MAP7: variants seen among roughly 807,000 people sequenced by gnomAD.
The protein encoded by MAP7 is microtubule associated protein 7, also known as ensconsin.
In MAP7, 52 loss-of-function variants were observed where a neutral mutation model predicts 94.8. The observed-to-expected ratio is 0.55, with a 90% confidence interval of 0.44 to 0.69. MAP7 has a LOEUF of 0.69. Among genes scored for constraint, MAP7 ranks in the 30% least tolerant of loss-of-function variants. MAP7 has a pLI of 0.00. For missense variants in MAP7, 940 were observed against 964.6 expected (o/e 0.97, Z 0.34); for synonymous variants, 350 against 357.0 (o/e 0.98, Z 0.22).
chr6:136,365,648 G>C (rs1321319489), intron 10 of MAP7, 87 bp downstream of exon 10: 23 of 1,423,882 alleles, frequency 1.6e-5, no homozygotes, highest in Non-Finnish European at 2.0e-5. Context: ...TCCAATAAAA[G>C]AAGAAAAGGA....
At chr6:136,494,047 T>G (rs1273116040) in intron 1 of MAP7, among the ~76,000 whole-genome samples, 1 of 152,202 alleles carries the variant, frequency 6.6e-6, no homozygotes, top group East Asian at 1.9e-4. Flanking sequence ...ACCACTTTTC[T>G]TTTTTAGAGG....
At chr6:136,427,868 A>C (rs1452939594) in intron 1 of MAP7, among the ~76,000 whole-genome samples, 3 of 152,228 alleles carry the variant, frequency 2.0e-5, no homozygotes, top group African/African-American at 7.2e-5. Flanking sequence ...CAATGACTGA[A>C]AGTCACTTTC....
chr6:136,529,114 C>T (rs1462474492), intron 1 of MAP7, among the ~76,000 whole-genome samples: 1 of 152,064 alleles, frequency 6.6e-6, no homozygotes, highest in Non-Finnish European at 1.5e-5. Flanking sequence ...AAAATAAACA[C>T]TACTCTGAAT....
chr6:136,389,324 C>G, intron 4 of MAP7, 30 bp downstream of exon 4: 1 of 1,507,364 alleles, frequency 6.6e-7, no homozygotes, highest in Admixed American at 2.4e-5. Context: ...CTAGAGGAGC[C>G]ACTCATATTC....
At chr6:136,514,580 C>CAAAAAAAA (rs1046225937) in intron 1 of MAP7, among the ~76,000 whole-genome samples, 7 of 49,042 alleles carry the variant, frequency 1.4e-4, no homozygotes, top group African/African-American at 2.6e-4. Context: ...GACTCTGTCT[C>CAAAAAAAA]AAAAAAAAAA....
intron 1 of MAP7, among the ~76,000 whole-genome samples, chr6:136,494,057 G>A (rs962948415): frequency 7.9e-5 from 12 of 152,064 alleles, no homozygotes; most frequent in African/African-American, 2.9e-4. Flanking sequence ...TTTTTTAGAG[G>A]CTGAAATCTA....
At chr6:136,377,901 G>T in intron 6 of MAP7, 33 bp from the exon 7 acceptor site, 2 of 1,500,786 alleles carry the variant, frequency 1.3e-6, no homozygotes, top group Non-Finnish European at 1.9e-6. Context: ...GATGTTAGAA[G>T]CATTCTTTTC....
At chr6:136,413,971 C>T (rs1042853178) in intron 2 of MAP7, among the ~76,000 whole-genome samples, 3 of 151,884 alleles carry the variant, frequency 2.0e-5, no homozygotes, top group African/African-American at 7.3e-5. Flanking sequence ...TTAAATGGGC[C>T]GGGCGCGGTG....
At chr6:136,427,194 G>A (rs939610407) in intron 1 of MAP7, among the ~76,000 whole-genome samples, 2 of 152,188 alleles carry the variant, frequency 1.3e-5, no homozygotes, top group Non-Finnish European at 2.9e-5. Flanking sequence ...GACAGCTCAC[G>A]CAGCACTATA....
chr6:136,381,830 G>A (rs925617888), intron 6 of MAP7, among the ~76,000 whole-genome samples: 1 of 145,308 alleles, frequency 6.9e-6, no homozygotes, highest in Non-Finnish European at 1.5e-5. Flanking sequence ...TTCCCTTAAC[G>A]CTGATGTCCT....
At position 136,356,694 on chromosome 6, in the gene MAP7, C is replaced by T. The variant is rs371588242; in HGVS notation, c.2013G>A (p.Glu671=). 5.4e-5 allele frequency: 87 copies of T among 1,612,504 alleles called. No individual in the cohort carries two copies. Among genetic ancestry groups the T allele is most frequent in the Non-Finnish European group, 6.9e-5 (81 of 1,178,706 alleles). ...VTSHQSKVTV[E]STPDLEKQPN... ...AATGAATGTCAGTGAAAACTCACCT[C>T]TCCACTGTCACTTTTGACTGGTGTG... The change falls in exon 16 of 18, where the codon GAG becomes GAA. Residue 671 remains glutamate, a splice_region_variant and synonymous_variant. Transcript: ENST00000354570.
intron 6 of MAP7, among the ~76,000 whole-genome samples, chr6:136,379,473 A>C (rs372459991): frequency 1.2e-4 from 19 of 152,238 alleles, no homozygotes; most frequent in East Asian, 7.7e-4. Context: ...CCACGGGCTA[A>C]GTACTATCAT....
intron 7 of MAP7, among the ~76,000 whole-genome samples, chr6:136,376,965 T>C (rs1218092355): frequency 3.9e-5 from 6 of 152,148 alleles, no homozygotes; most frequent in Non-Finnish European, 7.4e-5. Flanking sequence ...AATACACCAA[T>C]TGTCCCCAAA....
At chr6:136,479,821 T>C (rs748382079) in intron 1 of MAP7, among the ~76,000 whole-genome samples, 4 of 152,018 alleles carry the variant, frequency 2.6e-5, no homozygotes, top group Non-Finnish European at 4.4e-5. Flanking sequence ...AGTAAAACTG[T>C]AAAACACTGA....
At chr6:136,456,764 G>GAAGAA in intron 1 of MAP7, among the ~76,000 whole-genome samples, 11 of 24,360 alleles carry the variant, frequency 4.5e-4, no homozygotes, top group African/African-American at 1.6e-3. Context: ...AGGAGGAGGA[G>GAAGAA]GAGGAAGAAG....
chr6:136,498,903 C>T (rs747372014), intron 1 of MAP7, among the ~76,000 whole-genome samples: 7 of 151,764 alleles, frequency 4.6e-5, no homozygotes, highest in Non-Finnish European at 8.8e-5. Context: ...AGCTCCATTT[C>T]GCTGAGATTT....
At chr6:136,385,053 C>T (rs1289614296) in intron 5 of MAP7, among the ~76,000 whole-genome samples, 1 of 152,140 alleles carries the variant, frequency 6.6e-6, no homozygotes, top group Non-Finnish European at 1.5e-5. Flanking sequence ...TTACCTGCTT[C>T]TAAAACTAAA....
intron 3 of MAP7, among the ~76,000 whole-genome samples, chr6:136,404,463 A>G (rs890143211): frequency 7.2e-5 from 11 of 151,968 alleles, no homozygotes; most frequent in African/African-American, 2.7e-4. Flanking sequence ...AACTTTTTAT[A>G]TTGTCTTATT....
At chr6:136,491,135 T>C (rs1816462316) in intron 1 of MAP7, among the ~76,000 whole-genome samples, 1 of 152,236 alleles carries the variant, frequency 6.6e-6, no homozygotes, top group African/African-American at 2.4e-5. Flanking sequence ...TCACAGACTA[T>C]TAAACCTGTT....
Sources: allele counts gnomAD v4.1 joint callset (sites outside exome capture counted in the v4.1 genomes callset), GRCh38; gene constraint gnomAD v4.1.1; transcripts MANE v1.5; gene names NCBI Gene and HGNC (gene_info 2026-07-23, HGNC 2026-07-21).